The following ZFHX3 variants were observed in gnomAD, a reference collection of about 807,000 sequenced individuals.
ZFHX3 encodes the protein zinc finger homeobox protein 3.
A neutral mutation model predicts 279.1 loss-of-function variants in ZFHX3; 42 were observed. That is an observed-to-expected ratio of 0.15 (90% CI 0.12 to 0.19). The LOEUF (loss-of-function observed/expected upper bound fraction) is 0.19, where lower values mean the gene tolerates loss of function less well. Ranked by LOEUF, ZFHX3 falls within the 10% of genes least tolerant of loss-of-function variation. The probability of loss-of-function intolerance (pLI) is 1.00; values close to 1 mark genes in which losing one functional copy is unlikely to be tolerated. For synonymous variants in ZFHX3, 2,293 were observed against 1,957.8 expected (o/e 1.17, Z -4.52); for missense variants, 4,981 against 4,754.0 (o/e 1.05, Z -1.40).
chr16:73,382,470 C>T (rs1294311573), intron 3 of ZFHX3, among the ~76,000 whole-genome samples: 3 of 152,036 alleles, frequency 2.0e-5, no homozygotes, highest in African/African-American at 4.8e-5. Flanking sequence ...AGTTTAAGTG[C>T]GATTGGAGCC....
At chr16:73,025,100 G>A (rs573448901) in intron 1 of ZFHX3, among the ~76,000 whole-genome samples, 21 of 152,152 alleles carry the variant, frequency 1.4e-4, no homozygotes, top group Non-Finnish European at 2.6e-4. Context: ...GACTTACACC[G>A]CAGGGGGAAC....
At chr16:73,501,993 A>T (rs537713772) in intron 2 of ZFHX3, among the ~76,000 whole-genome samples, 51 of 152,196 alleles carry the variant, frequency 3.4e-4, no homozygotes, top group Non-Finnish European at 7.1e-4. Flanking sequence ...TTACTTTGAT[A>T]ATCTGTGTCT....
intron 3 of ZFHX3, among the ~76,000 whole-genome samples, chr16:73,413,832 C>T (rs546285157): frequency 2.0e-5 from 3 of 152,294 alleles, no homozygotes; most frequent in African/African-American, 7.2e-5. Flanking sequence ...ACCAAATGTT[C>T]TAAGATGATT....
In ZFHX3 at chr16:73,871,230, A is replaced by G. The variant is rs557580409; in HGVS notation, c.-1608+20421T>C. 7.9e-5 allele frequency among the ~76,000 whole-genome samples: 12 copies of G among 152,318 alleles called. No individual in the cohort carries two copies. The East Asian group carries it at 2.3e-3, about 29-fold the overall frequency. On this transcript the variant is annotated intron_variant, in intron 1 of 17. Transcript: ENST00000641206. The stretch of plus-strand genomic sequence containing the variant: ...TCACACCCTGACTGGAAAGCAAGAA[A>G]TGCTGGAAAGTTGTGCACCAGGAAT...
intron 1 of ZFHX3, among the ~76,000 whole-genome samples, chr16:73,684,883 T>C (rs1159969445): frequency 6.6e-6 from 1 of 152,054 alleles, no homozygotes; most frequent in African/African-American, 2.4e-5. Context: ...GTCTTTTTAG[T>C]AGAGACAGGA....
At chr16:73,814,879 C>A (rs1287004626) in intron 1 of ZFHX3, among the ~76,000 whole-genome samples, 3 of 152,120 alleles carry the variant, frequency 2.0e-5, no homozygotes, top group Non-Finnish European at 4.4e-5. Context: ...CACTTCACAA[C>A]TTCTTAAAAG....
At chr16:73,772,974 C>G (rs1196708175) in intron 1 of ZFHX3, among the ~76,000 whole-genome samples, 5 of 152,192 alleles carry the variant, frequency 3.3e-5, no homozygotes, top group Non-Finnish European at 7.3e-5. Flanking sequence ...TTTTTGGTCT[C>G]AGCTCCAGGA....
intron 5 of ZFHX3, among the ~76,000 whole-genome samples, chr16:73,241,153 G>T (rs1390248627): frequency 2.0e-5 from 3 of 152,194 alleles, no homozygotes; most frequent in Non-Finnish European, 2.9e-5. Context: ...TTGGCGAAAT[G>T]ACAGATGACT....
At chr16:73,064,000 G>C (rs993846917), upstream of ZFHX3, among the ~76,000 whole-genome samples, 1 of 152,132 alleles carries the variant, frequency 6.6e-6, no homozygotes, top group Non-Finnish European at 1.5e-5. Context: ...GTAGGGATGC[G>C]CACCGTGCCC....
chr16:73,884,306 G>T (rs1465828641), intron 1 of ZFHX3, among the ~76,000 whole-genome samples: 2 of 151,912 alleles, frequency 1.3e-5, no homozygotes, highest in Non-Finnish European at 1.5e-5. Flanking sequence ...AAAAAAATTG[G>T]TTATGTGGGC....
At chr16:73,416,324 CA>C (rs1372636055) in intron 3 of ZFHX3, among the ~76,000 whole-genome samples, 1 of 151,852 alleles carries the variant, frequency 6.6e-6, no homozygotes, top group Non-Finnish European at 1.5e-5. Context: ...TTATAGGGAC[CA>C]GGGTGGGAAA....
intron 1 of ZFHX3, among the ~76,000 whole-genome samples, chr16:73,688,654 T>C (rs1483100197): frequency 1.3e-5 from 2 of 152,180 alleles, no homozygotes; most frequent in Non-Finnish European, 2.9e-5. Context: ...GATTAGAAGT[T>C]ACCCAGTGTA....
At chr16:73,431,564 T>C (rs2017912677) in intron 3 of ZFHX3, among the ~76,000 whole-genome samples, 1 of 152,174 alleles carries the variant, frequency 6.6e-6, no homozygotes, top group Admixed American at 6.6e-5. Context: ...CTTCTGATTA[T>C]AAAAGTACAT....
rs973944416 is a variant in ZFHX3, at chr16:73,114,038, T to C, written c.-897+16930A>G. Among the ~76,000 whole-genome samples, 13 of 151,994 alleles carry C rather than the reference T, an allele frequency of 8.6e-5. 1 individual carries two copies. Among genetic ancestry groups the C allele is most frequent in the Admixed American group, 2.6e-4 (4 of 15,256 alleles). On this transcript the variant is annotated intron_variant, in intron 7 of 17. Transcript: ENST00000641206. ...GTCTCCATCTCCTGACCTTGTGATC[T>C]GCTCGCCTCGGCCTCCCAAAGTGCT...
chr16:73,037,084 C>A (rs2144691388), intron 1 of ZFHX3, among the ~76,000 whole-genome samples: 1 of 152,232 alleles, frequency 6.6e-6, no homozygotes, highest in African/African-American at 2.4e-5. Context: ...AGTACAAATA[C>A]AAGAGAACCC....
chr16:73,148,555 CTTTTTTTT>C (rs36018349), intron 5 of ZFHX3, among the ~76,000 whole-genome samples: 4 of 55,414 alleles, frequency 7.2e-5, no homozygotes, highest in African/African-American at 1.3e-4. Context: ...AAATGCTGGG[CTTTTTTTT>C]TTTTTTTTTT....
intron 1 of ZFHX3, chr16:73,808,486 G>C (rs1960344339): frequency 6.6e-6 from 1 of 152,200 alleles, no homozygotes; most frequent in Non-Finnish European, 1.5e-5. Flanking sequence ...ACAGAAGATG[G>C]TTGGATACAT....
At chr16:72,872,027 G>A (rs2038173990) in intron 4 of ZFHX3, among the ~76,000 whole-genome samples, 1 of 152,022 alleles carries the variant, frequency 6.6e-6, no homozygotes, top group Non-Finnish European at 1.5e-5. Context: ...GGAGCTTGCA[G>A]TTAGCCGAGA....
intron 9 of ZFHX3, 135 bp from the exon 10 acceptor site, chr16:72,788,983 C>A: frequency 1.5e-6 from 2 of 1,320,204 alleles, no homozygotes; most frequent in Non-Finnish European, 2.0e-6. Flanking sequence ...ACGAACATTT[C>A]CAACAGAAGT....
Sources: allele counts gnomAD v4.1 joint callset (sites outside exome capture counted in the v4.1 genomes callset), GRCh38; gene constraint gnomAD v4.1.1; transcripts MANE v1.5; gene names NCBI Gene and HGNC (gene_info 2026-07-23, HGNC 2026-07-21).